TMEM132C: variants seen among roughly 807,000 people sequenced by gnomAD.
The protein encoded by TMEM132C is transmembrane protein 132C, also known as protein phosphatase 1, regulatory subunit 152.
A neutral mutation model predicts 61.4 loss-of-function variants in TMEM132C; 29 were observed. The observed-to-expected ratio is 0.47, with a 90% CI of 0.35 to 0.64. The LOEUF is 0.64. TMEM132C is among the 30% of genes least tolerant of loss of function. The pLI, the probability that TMEM132C is intolerant of heterozygous loss-of-function variation, is 0.00. For missense variants in TMEM132C, 1,408 were observed against 1,476.9 expected, an observed-to-expected ratio of 0.95 and a Z score of 0.76; for synonymous variants, 656 against 633.1, an observed-to-expected ratio of 1.04 and a Z score of -0.54.
chr12:128,682,934 G>A (rs534515221), intron 5 of TMEM132C, among the ~76,000 whole-genome samples: 1 of 152,274 alleles, frequency 6.6e-6, no homozygotes, highest in African/African-American at 2.4e-5. Flanking sequence ...TCCTTGGTTT[G>A]TAGAGGCATC....
At chr12:128,552,987 C>T (rs1469604268) in intron 3 of TMEM132C, among the ~76,000 whole-genome samples, 1 of 152,114 alleles carries the variant, frequency 6.6e-6, no homozygotes, top group Non-Finnish European at 1.5e-5. Context: ...AGGCTGTGTG[C>T]TTGCCTTGGA....
intron 2 of TMEM132C, among the ~76,000 whole-genome samples, chr12:128,536,393 G>T (rs932255650): frequency 2.6e-5 from 4 of 152,128 alleles, no homozygotes; most frequent in Non-Finnish European, 1.5e-5. Flanking sequence ...GCCTGTCATG[G>T]GGTGGGGGGC....
chr12:128,277,130 C>T (rs1051202316), intron 1 of TMEM132C, among the ~76,000 whole-genome samples: 5 of 152,160 alleles, frequency 3.3e-5, no homozygotes, highest in African/African-American at 1.2e-4. Context: ...GAATATGCAC[C>T]AAATTATTCA....
intron 2 of TMEM132C, among the ~76,000 whole-genome samples, chr12:128,463,505 G>A (rs1176873818): frequency 2.6e-5 from 4 of 152,112 alleles, no homozygotes; most frequent in African/African-American, 7.2e-5. Context: ...TTTTAGTAGA[G>A]ATGGGGTTTC....
In TMEM132C at chr12:128,616,334, T is replaced by C. The variant is rs1876799756; in HGVS notation, c.1304T>C (p.Met435Thr). 1.3e-6 allele frequency: 2 copies of C among 1,550,938 alleles called. No individual in the cohort carries two copies. Among genetic ancestry groups the C allele is most frequent in the Non-Finnish European group, 1.7e-6 (2 of 1,146,430 alleles). Residue 435 changes from methionine to threonine, a missense_variant and splice_region_variant, in exon 4 of 9, where the codon ATG (methionine) becomes ACG (threonine). Transcript: ENST00000435159. The stretch of plus-strand genomic sequence containing the variant: ...CTGGTGGGCATCGTTCCCTTGGCTA[T>C]GGTGAGTCCTGAGTTACCTTGGATG... Reference protein sequence around the residue: ...KDLVGIVPLAMDTEILNTAVL... With the variant: ...KDLVGIVPLATDTEILNTAVL...
chr12:128,464,736 G>A (rs1354210992), intron 2 of TMEM132C, among the ~76,000 whole-genome samples: 1 of 151,926 alleles, frequency 6.6e-6, no homozygotes, highest in African/African-American at 2.4e-5. Flanking sequence ...CTGCACTCTA[G>A]CCTGGGCAGC....
At position 128,705,983 on chromosome 12, in the gene TMEM132C, C is replaced by T. The variant is rs1010434640; in HGVS notation, c.3015C>T (p.Cys1005=). ...TTIIDRGPGA[C]EESNHLLLNG... ...TCATAGACCGCGGACCGGGGGCCTG[C>T]GAGGAGAGCAACCATCTCCTGCTCA... The change falls in exon 9 of 9, where the codon TGC becomes TGT. Residue 1005 remains cysteine, a synonymous_variant. Coordinates refer to ENST00000435159, the MANE Select transcript of TMEM132C (RefSeq NM_001136103.3). 6.4e-6 allele frequency: 10 copies of T among 1,551,492 alleles called. No individual in the cohort carries two copies. Among genetic ancestry groups the T allele is most frequent in the African/African-American group, 2.7e-5 (2 of 73,018 alleles).
Position 128,630,733 on chromosome 12 carries a change from G to A in TMEM132C, c.1305+14398G>A, listed in dbSNP as rs554236208. ...GCCAAAACATATCTACATTGAATAA[G>A]TGAGTTATAATAATGTGTGGGCCGG... On this transcript the variant is annotated intron_variant, in intron 4 of 8. Transcript: ENST00000435159. The surrounding 1 kb of genome is among the most constrained non-coding windows in gnomAD (Gnocchi z 4.3). Among the ~76,000 whole-genome samples the A allele has an allele frequency of 9.2e-5, 14 of 152,214 alleles. No homozygotes were observed. In the South Asian group the frequency reaches 2.7e-3, roughly 29 times the overall value.
intron 1 of TMEM132C, among the ~76,000 whole-genome samples, chr12:128,284,958 A>T (rs1566041985): frequency 6.6e-6 from 1 of 152,132 alleles, no homozygotes; most frequent in Non-Finnish European, 1.5e-5. Context: ...CAATGTGGTG[A>T]GAACCCAGCT....
chr12:128,420,942 T>C (rs567435005), intron 2 of TMEM132C, among the ~76,000 whole-genome samples: 2 of 152,304 alleles, frequency 1.3e-5, no homozygotes, highest in South Asian at 2.1e-4. Flanking sequence ...TGGGCACAGA[T>C]GTGGGAATAA....
intron 3 of TMEM132C, among the ~76,000 whole-genome samples, chr12:128,561,532 T>C (rs1267473225): frequency 6.6e-6 from 1 of 152,222 alleles, no homozygotes; most frequent in African/African-American, 2.4e-5. Context: ...TATTCATCAG[T>C]CAAATAATTA....
intron 3 of TMEM132C, among the ~76,000 whole-genome samples, chr12:128,594,435 C>T (rs946562141): frequency 4.0e-5 from 6 of 151,788 alleles, no homozygotes; most frequent in Non-Finnish European, 8.8e-5. Context: ...TGCTGTGCCC[C>T]CCATTTTTTA....
At chr12:128,392,064 TTCTCTCTCTCTC>T (rs34334973) in intron 1 of TMEM132C, among the ~76,000 whole-genome samples, 4 of 130,528 alleles carry the variant, frequency 3.1e-5, no homozygotes, top group East Asian at 2.6e-4. Flanking sequence ...CTCTCTCTCT[TTCTCTCTCTCTC>T]TCTCTCTCTC....
At chr12:128,486,963 A>G (rs1176799830) in intron 2 of TMEM132C, among the ~76,000 whole-genome samples, 1 of 151,978 alleles carries the variant, frequency 6.6e-6, no homozygotes, top group Non-Finnish European at 1.5e-5. Context: ...AAATCCAAGA[A>G]AGAAACAATG....
chr12:128,510,416 C>T (rs1325887029), intron 2 of TMEM132C, among the ~76,000 whole-genome samples: 1 of 152,146 alleles, frequency 6.6e-6, no homozygotes, highest in African/African-American at 2.4e-5. Flanking sequence ...TTTTCTCTTG[C>T]TTTTTTAAAA....
At chr12:128,641,961 A>ATTTTTTT (rs34283461) in intron 4 of TMEM132C, among the ~76,000 whole-genome samples, 3 of 128,740 alleles carry the variant, frequency 2.3e-5, no homozygotes, top group Non-Finnish European at 3.3e-5. Context: ...TGCCCGGCTA[A>ATTTTTTT]TTTTTTTTTT....
At chr12:128,597,214 T>C (rs1160020177) in intron 3 of TMEM132C, among the ~76,000 whole-genome samples, 1 of 152,130 alleles carries the variant, frequency 6.6e-6, no homozygotes, top group Non-Finnish European at 1.5e-5. Flanking sequence ...GCACAGTGGG[T>C]CACGTCTGTA....
intron 1 of TMEM132C, among the ~76,000 whole-genome samples, chr12:128,358,006 G>A (rs137872436): frequency 1.1e-3 from 173 of 152,116 alleles, no homozygotes; most frequent in Admixed American, 5.4e-3. Flanking sequence ...GTTTTGTGTC[G>A]GCATCATTGT....
chr12:128,658,121 ACG>A (rs2135618102), intron 4 of TMEM132C, among the ~76,000 whole-genome samples: 1 of 89,824 alleles, frequency 1.1e-5, no homozygotes, highest in African/African-American at 3.8e-5. Flanking sequence ...AGGAGCAGGG[ACG>A]CAGCTCCCAT....
Sources: allele counts gnomAD v4.1 joint callset (sites outside exome capture counted in the v4.1 genomes callset), GRCh38; gene constraint gnomAD v4.1.1; non-coding constraint Gnocchi (gnomAD v3.1); transcripts MANE v1.5; gene names NCBI Gene and HGNC (gene_info 2026-07-23, HGNC 2026-07-21).